The following USP8 variants were observed in gnomAD, a reference collection of about 807,000 sequenced individuals.
USP8 encodes ubiquitin carboxyl-terminal hydrolase 8.
A neutral mutation model predicts 130.0 loss-of-function variants in USP8; 27 were observed. The observed-to-expected ratio is 0.21, with a 90% confidence interval of 0.15 to 0.29. The LOEUF (loss-of-function observed/expected upper bound fraction) is 0.29, where lower values mean the gene tolerates loss of function less well. Among genes scored for constraint, USP8 ranks in the 10% least tolerant of loss-of-function variants. The pLI, the probability that USP8 is intolerant of heterozygous loss-of-function variation, is 1.00. For missense variants in USP8, 1,029 were observed against 1,312.2 expected (o/e 0.78, Z 3.33); for synonymous variants, 392 against 444.1 (o/e 0.88, Z 1.48).
intron 18 of USP8, 109 bp from the exon 19 acceptor site, chr15:50,498,487 G>A (rs959941616): frequency 6.6e-6 from 9 of 1,370,642 alleles, no homozygotes; most frequent in Non-Finnish European, 8.7e-6. Context: ...CCAAGTCTTT[G>A]TATTTGAAAT....
In USP8 at chr15:50,509,524, G is replaced by C. The variant is rs1227312857; in HGVS notation, c.*10436G>C. 6.6e-6 allele frequency: 1 copy of C among 152,166 alleles called. No homozygotes were observed. The highest frequency in any genetic ancestry group is 1.5e-5 in the Non-Finnish European group (1 of 68,154). The allele number at this position is 152,166 out of a possible 1,614,324, so 9.4% of individuals were successfully genotyped here. On this transcript the variant is annotated 3_prime_UTR_variant, in exon 20 of 20. Coordinates refer to ENST00000307179, the MANE Select transcript of USP8 (RefSeq NM_005154.5). ...TAGCCGGGCATGGTGGCGGGCGCCT[G>C]TAGTCCCAAGCTACTCAGGAGGCTG...
intron 1 of USP8, among the ~76,000 whole-genome samples, chr15:50,428,353 G>A (rs1301043383): frequency 6.6e-6 from 1 of 152,178 alleles, no homozygotes; most frequent in African/African-American, 2.4e-5. Flanking sequence ...CTGAGCTCAG[G>A]CAATCCACCT....
In USP8 at chr15:50,441,385, A is replaced by G. The variant is rs201086367; in HGVS notation, c.141A>G (p.Ala47=). The G allele has an allele frequency of 2.5e-6, 4 of 1,608,180 alleles. No homozygotes were observed. The highest frequency in any genetic ancestry group is 2.2e-5 in the East Asian group (1 of 44,764). ...VHSALKIFKT[A]EECRLDRDEE... ...GTGCCCTGAAGATCTTTAAGACAGC[A>G]GAAGAATGCAGATTAGATCGTGATG... The change falls in exon 3 of 20, where the codon GCA becomes GCG. Residue 47 remains alanine (A), a synonymous_variant. Coordinates refer to ENST00000307179, the MANE Select transcript of USP8 (RefSeq NM_005154.5).
intron 18 of USP8, chr15:50,498,383 G>C: frequency 1.9e-6 from 1 of 536,688 alleles, no homozygotes; most frequent in Non-Finnish European, 3.1e-6. Context: ...TTGACCTTAG[G>C]CACATCATTA....
chr15:50,495,670 G>GT (rs910842371), intron 16 of USP8, among the ~76,000 whole-genome samples, 178 bp from the exon 17 acceptor site: 1 of 151,852 alleles, frequency 6.6e-6, no homozygotes, highest in African/African-American at 2.4e-5. Context: ...AAGTGAGTGA[G>GT]TTTTTTTTGG....
intron 7 of USP8, among the ~76,000 whole-genome samples, chr15:50,470,992 A>G (rs1291736301): frequency 6.6e-6 from 1 of 152,198 alleles, no homozygotes; most frequent in Non-Finnish European, 1.5e-5. Context: ...AAGAGGCAGC[A>G]TAGCAAAGAA....
chr15:50,495,838 T>G lies in USP8; in HGVS notation c.2659-10T>G, dbSNP rs769103724. On this transcript the variant is annotated splice_polypyrimidine_tract_variant and intron_variant, in intron 16 of 19. Transcript: ENST00000307179. ...ATATTAATATAGAGCTTAAATCATTTTATTTCCAGGCTGATAATCGGAAGA... is the reference window on the plus strand; with the variant it reads ...ATATTAATATAGAGCTTAAATCATTGTATTTCCAGGCTGATAATCGGAAGA... The G allele has an allele frequency of 1.3e-6, 2 of 1,598,590 alleles. No individual in the cohort carries two copies. Among genetic ancestry groups the G allele is most frequent in the East Asian group, 2.2e-5 (1 of 44,744 alleles).
At position 50,506,180 on chromosome 15, in the gene USP8, G is replaced by C. The variant is rs1252121660; in HGVS notation, c.*7092G>C. 1.3e-5 allele frequency: 2 copies of C among 152,294 alleles called. No individual in the cohort carries two copies. The highest frequency in any genetic ancestry group is 4.8e-5 in the African/African-American group (2 of 41,428). The allele number at this position is 152,294 out of a possible 1,614,324, so 9.4% of individuals were successfully genotyped here. A position where few individuals can be genotyped will look rare whatever the true frequency, so the allele number is the denominator to read the frequency against. On this transcript the variant is annotated 3_prime_UTR_variant, in exon 20 of 20. Coordinates refer to ENST00000307179, the MANE Select transcript of USP8 (RefSeq NM_005154.5). ...AGCTTTATCAGTTTAGTAGCAGCAAGAACAACAGGGGAAAACAACACAGCA... is the reference window on the plus strand; with the variant it reads ...AGCTTTATCAGTTTAGTAGCAGCAACAACAACAGGGGAAAACAACACAGCA...
In USP8 at chr15:50,479,669, C is replaced by CA. The variant is rs199818604; in HGVS notation, c.1219-1803dup. Among the ~76,000 whole-genome samples, 453 of 147,240 alleles carry CA rather than the reference C, an allele frequency of 3.1e-3. 1 individual carries two copies. Among genetic ancestry groups the CA allele is most frequent in the South Asian group, 0.021 (96 of 4,642 alleles). On this transcript the variant is annotated intron_variant, in intron 10 of 19. Transcript: ENST00000307179. ...TTCCTACTTTATTCTCAAATACATGCAAAAAAAAAGACAAAGGATTTTTTT... is the reference window on the plus strand; with the variant it reads ...TTCCTACTTTATTCTCAAATACATGCAAAAAAAAAAGACAAAGGATTTTTTT...
At chr15:50,443,875 G>C (rs1208407918) in intron 3 of USP8, among the ~76,000 whole-genome samples, 2 of 152,068 alleles carry the variant, frequency 1.3e-5, no homozygotes, top group African/African-American at 4.8e-5. Context: ...GTCCTGCCCT[G>C]GGAAAAATAC....
chr15:50,497,280 TTTTAAGTTCTGTGTAA>T, intron 18 of USP8, 49 bp downstream of exon 18: 2 of 1,551,060 alleles, frequency 1.3e-6, no homozygotes, highest in Non-Finnish European at 1.7e-6. Context: ...AATGAGGGAA[TTTTAAGTTCTGTGTAA>T]TTTATACTTG....
chr15:50,434,562 CTTAG>C (rs1048126056), intron 1 of USP8, among the ~76,000 whole-genome samples: 3 of 151,688 alleles, frequency 2.0e-5, no homozygotes, highest in African/African-American at 4.8e-5. Context: ...CTTACATATA[CTTAG>C]TTATTTTTTT....
chr15:50,496,950 C>G, intron 17 of USP8, 139 bp from the exon 18 acceptor site: 1 of 1,107,240 alleles, frequency 9.0e-7, no homozygotes, highest in Non-Finnish European at 1.3e-6. Flanking sequence ...AGATCACAAG[C>G]TTTGGGAAGG....
In USP8 at chr15:50,503,951, T is replaced by G. The variant is rs1459419333; in HGVS notation, c.*4863T>G. ...AGCAGAGGCTACAAATAAAGTATAT[T>G]TAAATATATTTAGAAGAAGGAAACA... On this transcript the variant is annotated 3_prime_UTR_variant, in exon 20 of 20. Coordinates refer to ENST00000307179, the MANE Select transcript of USP8 (RefSeq NM_005154.5). 1.3e-5 allele frequency: 2 copies of G among 152,140 alleles called. No individual in the cohort carries two copies. The highest frequency in any genetic ancestry group is 2.9e-5 in the Non-Finnish European group (2 of 68,036). The allele number at this position is 152,140 out of a possible 1,614,324, so 9.4% of individuals were successfully genotyped here.
intron 6 of USP8, among the ~76,000 whole-genome samples, chr15:50,463,924 AAAT>A (rs2051098354): frequency 6.6e-6 from 1 of 152,218 alleles, no homozygotes; most frequent in Non-Finnish European, 1.5e-5. Context: ...CCCCAAAAGT[AAAT>A]AAATTAAATA....
At chr15:50,453,864 T>C (rs2050703710) in intron 4 of USP8, among the ~76,000 whole-genome samples, 2 of 136,562 alleles carry the variant, frequency 1.5e-5, no homozygotes. Context: ...AATATTCTTT[T>C]TTTTTTTTTT....
rs2050755199 is a variant in USP8, at chr15:50,455,255, T to G, written c.336-3745T>G. On this transcript the variant is annotated intron_variant, in intron 4 of 19. Transcript: ENST00000307179. ...CAGGCCCAGTTAGTTTTTTTGTGTTTTTTTGTAGAGACAGGGTTTCACCAT... is the reference window on the plus strand; with the variant it reads ...CAGGCCCAGTTAGTTTTTTTGTGTTGTTTTGTAGAGACAGGGTTTCACCAT... Among the ~76,000 whole-genome samples, 2 of 151,098 alleles carry G rather than the reference T, an allele frequency of 1.3e-5. 1 individual carries two copies. The highest frequency in any genetic ancestry group is 4.3e-4 in the South Asian group (2 of 4,636).
intron 3 of USP8, among the ~76,000 whole-genome samples, chr15:50,445,739 C>T (rs2050415029): frequency 1.3e-5 from 2 of 149,312 alleles, no homozygotes; most frequent in African/African-American, 4.9e-5. Context: ...CGCCTGTAAT[C>T]CCAGCTACTT....
intron 12 of USP8, among the ~76,000 whole-genome samples, chr15:50,487,776 A>G (rs746819267): frequency 8.5e-5 from 13 of 152,240 alleles, no homozygotes; most frequent in Admixed American, 7.2e-4. Context: ...ATTCTCACGC[A>G]TTAAGAAGGC....
Sources: allele counts gnomAD v4.1 joint callset (sites outside exome capture counted in the v4.1 genomes callset), GRCh38; gene constraint gnomAD v4.1.1; transcripts MANE v1.5; gene names NCBI Gene and HGNC (gene_info 2026-07-23, HGNC 2026-07-21).